The following CCDC83 variants were observed in gnomAD, a reference collection of about 807,000 sequenced individuals.
The protein encoded by CCDC83 is coiled-coil domain containing 83, also known as coiled-coil domain-containing protein 83.
A neutral mutation model predicts 50.1 loss-of-function variants in CCDC83; 54 were observed. The ratio of observed to expected loss-of-function variants is 1.08; its 90% confidence interval spans 0.87 to 1.35. The LOEUF is 1.35. Among genes scored for constraint, CCDC83 ranks in the 40% most tolerant of loss-of-function variants. The probability of loss-of-function intolerance (pLI) is 0.00; values close to 1 mark genes in which losing one functional copy is unlikely to be tolerated. For missense variants in CCDC83, 518 were observed against 473.9 expected (o/e 1.09, Z -0.86); for synonymous variants, 161 against 153.3 (o/e 1.05, Z -0.37).
chr11:85,868,467 T>C (rs2093220070), intron 2 of CCDC83, among the ~76,000 whole-genome samples: 1 of 152,168 alleles, frequency 6.6e-6, no homozygotes, highest in African/African-American at 2.4e-5. Context: ...CCCCGCCTCC[T>C]GGATTCAAGC....
chr11:85,917,213 A>AGAGAAAGAAAGAAAGAAG lies in CCDC83; in HGVS notation c.1080+982_1080+983insGAAAGAAAGAAAGAAGGA, dbSNP rs1554986939. On this transcript the variant is annotated intron_variant, in intron 10 of 10. Coordinates refer to ENST00000342404, the MANE Select transcript of CCDC83 (RefSeq NM_001286159.2). ...GAAAGAGAAAGAAAGAAAGAAGGAA[A>AGAGAAAGAAAGAAAGAAG]GAAAGAAAGAAAGAAAGAAAAGAAA... Among the ~76,000 whole-genome samples the AGAGAAAGAAAGAAAGAAG allele has an allele frequency of 9.7e-3, 1,101 of 113,948 alleles. 31 individuals are homozygous for AGAGAAAGAAAGAAAGAAG. The highest frequency in any genetic ancestry group is 0.021 in the Admixed American group (222 of 10,728). 74.8% of individuals were successfully genotyped at this position (113,948 alleles called of 152,430 possible). A position where few individuals can be genotyped will look rare whatever the true frequency, so the allele number is the denominator to read the frequency against.
chr11:85,861,600 T>G (rs1183020109), intron 1 of CCDC83, among the ~76,000 whole-genome samples: 1 of 152,208 alleles, frequency 6.6e-6, no homozygotes, highest in African/African-American at 2.4e-5. Context: ...AAACTCCATT[T>G]TATATGTCCA....
chr11:85,857,393 G>A (rs1462972233), intron 1 of CCDC83, among the ~76,000 whole-genome samples: 2 of 152,188 alleles, frequency 1.3e-5, no homozygotes, highest in Non-Finnish European at 1.5e-5. Context: ...GCCTGGAAGG[G>A]CGAAACAGAG....
chr11:85,915,493 A>T lies in CCDC83; in HGVS notation c.869A>T (p.His290Leu), dbSNP rs1179061746. Residue 290 changes from histidine to leucine, a missense_variant, in exon 9 of 11, where the codon CAT (histidine) becomes CTT (leucine). Transcript: ENST00000342404. Reference protein sequence around the residue: ...EEMSLELPETHIEEKSELQPT... With the variant: ...EEMSLELPETLIEEKSELQPT... ...ATGTCTTTGGAATTGCCAGAAACAC[A>T]TATAGGTATTACTTTATTGCAATAA... 2 of 1,600,626 alleles carry T rather than the reference A, an allele frequency of 1.2e-6. No homozygotes were observed. The highest frequency in any genetic ancestry group is 1.7e-6 in the Non-Finnish European group (2 of 1,171,554).
Position 85,912,694 on chromosome 11 carries a change from G to C in CCDC83, c.794+1292G>C, listed in dbSNP as rs192533193. 29 of 1,608,196 alleles carry C rather than the reference G, an allele frequency of 1.8e-5. No homozygotes were observed. In the East Asian group the frequency reaches 6.2e-4, roughly 35 times the overall value. ...GTCCCACCTCTAATCCTCGTCATCT[G>C]CTGCTGCTGCCTTTGGAATCATGTC... On this transcript the variant is annotated intron_variant, in intron 8 of 10. Transcript: ENST00000342404.
chr11:85,869,563 C>T (rs1429032055), intron 2 of CCDC83, among the ~76,000 whole-genome samples: 1 of 152,078 alleles, frequency 6.6e-6, no homozygotes, highest in African/African-American at 2.4e-5. Flanking sequence ...AACATTTTAA[C>T]AATATAGAGA....
chr11:85,909,997 G>GGTC (rs1291377663), intron 7 of CCDC83, among the ~76,000 whole-genome samples: 6 of 152,002 alleles, frequency 3.9e-5, no homozygotes, highest in African/African-American at 1.4e-4. Context: ...TTCCTCTCCT[G>GGTC]CTTCTCCCCA....
At chr11:85,917,150 G>GAAGGCA (rs2093481370) in intron 10 of CCDC83, among the ~76,000 whole-genome samples, 2 of 76,522 alleles carry the variant, frequency 2.6e-5, no homozygotes, top group African/African-American at 1.0e-4. Context: ...GAGAGAGAGA[G>GAAGGCA]AGAGAGAGAG....
At chr11:85,864,517 G>C (rs533250116) in intron 1 of CCDC83, among the ~76,000 whole-genome samples, 1 of 152,068 alleles carries the variant, frequency 6.6e-6, no homozygotes, top group Non-Finnish European at 1.5e-5. Flanking sequence ...TAGCTGATGA[G>C]CAGTTATTAG....
Position 85,917,170 on chromosome 11 carries a change from A to AGAAAGAG in CCDC83, c.1080+937_1080+938insGAAAGAG, listed in dbSNP as rs1565160046. On this transcript the variant is annotated intron_variant, in intron 10 of 10. Coordinates refer to ENST00000342404, the MANE Select transcript of CCDC83 (RefSeq NM_001286159.2). ...AGAGAGAGAGAGAGAGAGAGAGAGAAAGAAAGAAAGAAAGAAAGAAAGAGA... is the reference window on the plus strand; with the variant it reads ...AGAGAGAGAGAGAGAGAGAGAGAGAAGAAAGAGAGAAAGAAAGAAAGAAAGAAAGAGA... 6.8e-5 allele frequency among the ~76,000 whole-genome samples: 4 copies of AGAAAGAG among 58,982 alleles called. No homozygotes were observed. The East Asian group carries it at 1.9e-3, about 28-fold the overall frequency. 38.7% of individuals were successfully genotyped at this position (58,982 alleles called of 152,430 possible). A position where few individuals can be genotyped will look rare whatever the true frequency, so the allele number is the denominator to read the frequency against.
chr11:85,908,602 GATAGATA>G (rs2093436985), intron 7 of CCDC83, among the ~76,000 whole-genome samples: 1 of 134,394 alleles, frequency 7.4e-6, no homozygotes, highest in Admixed American at 7.6e-5. Context: ...TAGATAGATA[GATAGATA>G]GACAGATAGA....
At chr11:85,857,309 G>A (rs1014855728) in intron 1 of CCDC83, among the ~76,000 whole-genome samples, 1 of 152,226 alleles carries the variant, frequency 6.6e-6, no homozygotes, top group Non-Finnish European at 1.5e-5. Context: ...GTGCCAAGCT[G>A]CAGTGGTCCA....
At chr11:85,897,806 T>A (rs529756346) in intron 6 of CCDC83, among the ~76,000 whole-genome samples, 5 of 151,536 alleles carry the variant, frequency 3.3e-5, no homozygotes, top group Admixed American at 2.0e-4. Context: ...GGTCCACTTA[T>A]AATGTAATAA....
intron 2 of CCDC83, among the ~76,000 whole-genome samples, chr11:85,871,172 A>C (rs1319502416): frequency 6.8e-6 from 1 of 147,808 alleles, no homozygotes; most frequent in Non-Finnish European, 1.5e-5. Flanking sequence ...ATTTCAAAAA[A>C]ACAAACAAAC....
chr11:85,898,808 C>T (rs2093387193), intron 6 of CCDC83, 139 bp from the exon 7 acceptor site: 2 of 670,788 alleles, frequency 3.0e-6, no homozygotes, highest in African/African-American at 3.7e-5. Flanking sequence ...AACAACCAAA[C>T]CAAAAGTTCT....
intron 7 of CCDC83, 29 bp from the exon 8 acceptor site, chr11:85,911,252 C>T: frequency 6.5e-7 from 1 of 1,539,184 alleles, no homozygotes; most frequent in African/African-American, 1.4e-5. Flanking sequence ...CAATAAGTAC[C>T]AACATTCATT....
intron 5 of CCDC83, among the ~76,000 whole-genome samples, chr11:85,889,733 A>G (rs999526495): frequency 3.3e-5 from 5 of 152,154 alleles, no homozygotes; most frequent in Non-Finnish European, 7.4e-5. Flanking sequence ...TTCTCCTCCA[A>G]TGATTATGGG....
At chr11:85,905,565 G>C (rs1309377892) in intron 7 of CCDC83, among the ~76,000 whole-genome samples, 1 of 150,298 alleles carries the variant, frequency 6.7e-6, no homozygotes, top group African/African-American at 2.5e-5. Context: ...AGCAGAGATT[G>C]TGCTACTTTA....
chr11:85,898,822 G>A, intron 6 of CCDC83, 125 bp from the exon 7 acceptor site: 1 of 715,168 alleles, frequency 1.4e-6, no homozygotes, highest in African/African-American at 1.8e-5. Flanking sequence ...AAGTTCTTAA[G>A]TATGTTCCTA....
Sources: gnomAD v4.1 joint callset for allele counts (sites outside exome capture counted in the v4.1 genomes callset) on GRCh38, gnomAD v4.1.1 for gene constraint, MANE v1.5 for transcripts, NCBI Gene and HGNC (gene_info 2026-07-23, HGNC 2026-07-21) for gene names.